The following FGF14 variants were observed in gnomAD, a reference collection of about 807,000 sequenced individuals.
FGF14 encodes the protein fibroblast growth factor homologous factor 4.
In FGF14, 5 loss-of-function variants were observed where a neutral mutation model predicts 25.5. The ratio of observed to expected loss-of-function variants is 0.20; its 90% CI spans 0.10 to 0.41. The LOEUF is 0.41. Ranked by LOEUF, FGF14 falls within the 10% of genes least tolerant of loss-of-function variation. FGF14 has a pLI of 1.00. For missense variants in FGF14, 222 were observed against 320.1 expected, an observed-to-expected ratio of 0.69 and a Z score of 2.34; for synonymous variants, 138 against 118.3, an observed-to-expected ratio of 1.17 and a Z score of -1.08.
chr13:102,351,700 G>A (rs796148282), intron 1 of FGF14, among the ~76,000 whole-genome samples: 3 of 152,246 alleles, frequency 2.0e-5, no homozygotes, highest in Admixed American at 1.3e-4. Context: ...AGAGACCTCC[G>A]TTCCTCACCA....
At chr13:101,764,020 A>T (rs565323520) in intron 3 of FGF14, among the ~76,000 whole-genome samples, 1 of 152,294 alleles carries the variant, frequency 6.6e-6, no homozygotes, top group East Asian at 1.9e-4. Context: ...GAAGTAAGAA[A>T]GTTAACCTCC....
chr13:101,814,863 T>C (rs937453072), intron 3 of FGF14, among the ~76,000 whole-genome samples: 15 of 152,250 alleles, frequency 9.9e-5, no homozygotes, highest in Non-Finnish European at 2.2e-4. Context: ...AACATTTTCA[T>C]ATAAGTCTTT....
At chr13:101,876,850 T>A (rs991476690) in intron 1 of FGF14, among the ~76,000 whole-genome samples, 1 of 152,174 alleles carries the variant, frequency 6.6e-6, no homozygotes, top group African/African-American at 2.4e-5. Context: ...AAGACCTGAC[T>A]GGGCTAAGTA....
At chr13:102,089,136 C>T (rs2140236852) in intron 1 of FGF14, among the ~76,000 whole-genome samples, 1 of 151,808 alleles carries the variant, frequency 6.6e-6, no homozygotes, top group East Asian at 1.9e-4. Flanking sequence ...AAACTAAGAA[C>T]CAAGGTAATC....
intron 1 of FGF14, among the ~76,000 whole-genome samples, chr13:102,320,945 T>G (rs533249840): frequency 2.0e-4 from 30 of 152,274 alleles, no homozygotes; most frequent in African/African-American, 7.0e-4. Flanking sequence ...ATAGGACCAG[T>G]ATGGCTATAC....
chr13:102,044,915 G>T (rs574881397), intron 1 of FGF14, among the ~76,000 whole-genome samples: 1 of 152,200 alleles, frequency 6.6e-6, no homozygotes, highest in African/African-American at 2.4e-5. Flanking sequence ...GCCGATGTTG[G>T]TGTACTCTGA....
chr13:102,280,703 T>G lies in FGF14; in HGVS notation c.208+120768A>C, dbSNP rs555048929. Among the ~76,000 whole-genome samples, 5 of 152,298 alleles carry G rather than the reference T, an allele frequency of 3.3e-5. No individual in the cohort carries two copies. In the South Asian group the frequency reaches 1.0e-3, roughly 32 times the overall value. ...TTGAATGGTGGTTTTTGTTTTATTT[T>G]GGAGTATGCATGAGATAAAGAAATA... On this transcript the variant is annotated intron_variant, in intron 1 of 4. Transcript: ENST00000376131.
intron 1 of FGF14, among the ~76,000 whole-genome samples, chr13:102,057,804 G>C (rs2042502133): frequency 6.6e-6 from 1 of 152,154 alleles, no homozygotes; most frequent in African/African-American, 2.4e-5. Flanking sequence ...TTTAACCACT[G>C]TAAGGAATTT....
chr13:102,213,360 A>T (rs2050239563), intron 1 of FGF14, among the ~76,000 whole-genome samples: 1 of 152,228 alleles, frequency 6.6e-6, no homozygotes, highest in South Asian at 2.1e-4. Context: ...CTCCTAGAAC[A>T]TTCCTTTCAC....
At chr13:101,906,948 GC>G (rs2032321111) in intron 1 of FGF14, among the ~76,000 whole-genome samples, 1 of 152,020 alleles carries the variant, frequency 6.6e-6, no homozygotes, top group Admixed American at 6.6e-5. Context: ...ATGATAAACG[GC>G]CCTTCCAAAG....
intron 1 of FGF14, among the ~76,000 whole-genome samples, chr13:101,966,344 T>C (rs767896101): frequency 7.2e-5 from 11 of 152,118 alleles, no homozygotes; most frequent in Non-Finnish European, 1.5e-4. Context: ...ATATCAAGGA[T>C]TGCCAAAGAC....
At chr13:102,077,419 A>T (rs1014757585) in intron 1 of FGF14, among the ~76,000 whole-genome samples, 21 of 152,170 alleles carry the variant, frequency 1.4e-4, no homozygotes, top group Admixed American at 6.5e-5. Context: ...TATCTAAGAT[A>T]CACAAGGAAC....
intron 1 of FGF14, chr13:102,263,090 C>A: frequency 1.6e-6 from 1 of 636,372 alleles, no homozygotes; most frequent in Non-Finnish European, 2.9e-6. Context: ...GGAGTTTCAC[C>A]TGACTTTATT....
At chr13:102,008,037 C>G (rs536785935) in intron 1 of FGF14, among the ~76,000 whole-genome samples, 2 of 152,252 alleles carry the variant, frequency 1.3e-5, no homozygotes, top group East Asian at 3.9e-4. Context: ...AATGAATCAT[C>G]CTATTTCACT....
chr13:102,204,780 A>C (rs1313659712), intron 1 of FGF14, among the ~76,000 whole-genome samples: 1 of 152,000 alleles, frequency 6.6e-6, no homozygotes, highest in Non-Finnish European at 1.5e-5. Context: ...CTCCTGACCA[A>C]GTGATGCTCC....
intron 3 of FGF14, among the ~76,000 whole-genome samples, chr13:101,803,869 T>C (rs2041046391): frequency 6.6e-6 from 1 of 152,148 alleles, no homozygotes; most frequent in South Asian, 2.1e-4. Flanking sequence ...GTTATGGAAC[T>C]TCTGAGTAGG....
intron 3 of FGF14, among the ~76,000 whole-genome samples, chr13:101,786,397 T>A (rs111419484): frequency 0.032 from 4,810 of 152,216 alleles, 94 homozygotes; most frequent in Non-Finnish European, 0.05. Flanking sequence ...AATACCATGG[T>A]TGGAGGGGTG....
At chr13:101,862,522 G>A (rs1170205316) in intron 3 of FGF14, among the ~76,000 whole-genome samples, 1 of 151,962 alleles carries the variant, frequency 6.6e-6, no homozygotes, top group Non-Finnish European at 1.5e-5. Context: ...CATAATTTCT[G>A]TTGTCCAAAA....
chr13:102,216,859 C>G (rs77070768), intron 1 of FGF14, among the ~76,000 whole-genome samples: 18,279 of 152,136 alleles, frequency 0.12, 2,282 homozygotes, highest in African/African-American at 0.32. Context: ...TTTTCTAAGT[C>G]AATGAGAACA....
Sources: allele counts gnomAD v4.1 joint callset (sites outside exome capture counted in the v4.1 genomes callset), GRCh38; gene constraint gnomAD v4.1.1; transcripts MANE v1.5; gene names NCBI Gene and HGNC (gene_info 2026-07-23, HGNC 2026-07-21).